Variants in LMBR1 observed in about 807,000 individuals in gnomAD.
LMBR1 encodes limb development membrane protein 1, also known as limb region 1 protein homolog.
LMBR1 carries 52 observed loss-of-function variants against 73.9 expected under a neutral mutation model. The observed-to-expected ratio is 0.70, with a 90% confidence interval of 0.56 to 0.89. The LOEUF (loss-of-function observed/expected upper bound fraction) is 0.89, where lower values mean the gene tolerates loss of function less well. Among genes scored for constraint, LMBR1 ranks in the 40% least tolerant of loss-of-function variants. LMBR1 has a pLI of 0.00. For synonymous variants in LMBR1, 215 were observed against 209.4 expected, an observed-to-expected ratio of 1.03 and a Z score of -0.23; for missense variants, 539 against 579.8, an observed-to-expected ratio of 0.93 and a Z score of 0.72.
At chr7:156,759,859 T>C (rs994420613) in intron 8 of LMBR1, among the ~76,000 whole-genome samples, 7 of 152,308 alleles carry the variant, frequency 4.6e-5, no homozygotes, top group African/African-American at 7.2e-5. Flanking sequence ...CCTACTAGTG[T>C]GTCGTTCCCC....
In LMBR1 at chr7:156,681,646, T is replaced by A. The variant is rs535905178; in HGVS notation, c.*2432A>T. The A allele has an allele frequency of 6.6e-6, 1 of 152,474 alleles. No homozygotes were observed. Among genetic ancestry groups the A allele is most frequent in the East Asian group, 1.9e-4 (1 of 5,186 alleles). The allele number at this position is 152,474 out of a possible 1,614,324, so 9.4% of individuals were successfully genotyped here. A position where few individuals can be genotyped will look rare whatever the true frequency, so the allele number is the denominator to read the frequency against. On this transcript the variant is annotated 3_prime_UTR_variant, in exon 17 of 17. Coordinates refer to ENST00000353442, the MANE Select transcript of LMBR1 (RefSeq NM_022458.4). ...AAAATCGATACTAAAGGAGAGAGAA[T>A]AAAAGGACTGCTTGATGTGACAGTC...
intron 4 of LMBR1, among the ~76,000 whole-genome samples, chr7:156,807,581 T>C (rs1280075497): frequency 1.3e-5 from 2 of 152,238 alleles, no homozygotes; most frequent in Non-Finnish European, 2.9e-5. Context: ...TTGCTGATCA[T>C]TCTGGCATTG....
At chr7:156,686,960 T>C (rs1294616176) in intron 16 of LMBR1, among the ~76,000 whole-genome samples, 1 of 152,238 alleles carries the variant, frequency 6.6e-6, no homozygotes, top group African/African-American at 2.4e-5. Context: ...AAATGAGCTG[T>C]GACTTTTTCC....
At chr7:156,867,136 T>C (rs1157013843) in intron 1 of LMBR1, among the ~76,000 whole-genome samples, 2 of 151,976 alleles carry the variant, frequency 1.3e-5, no homozygotes, top group Non-Finnish European at 2.9e-5. Context: ...CCAAAGAAAA[T>C]ACACAACAGC....
chr7:156,857,076 C>G (rs1464544408), intron 1 of LMBR1, among the ~76,000 whole-genome samples: 1 of 149,898 alleles, frequency 6.7e-6, no homozygotes, highest in Non-Finnish European at 1.5e-5. Flanking sequence ...CAGCTAGAAC[C>G]AAAGACAGAA....
intron 15 of LMBR1, among the ~76,000 whole-genome samples, chr7:156,716,097 A>T (rs1473154727): frequency 6.6e-6 from 1 of 152,208 alleles, no homozygotes; most frequent in Non-Finnish European, 1.5e-5. Context: ...GATGCAGAAA[A>T]CAAGTCTTGT....
intron 1 of LMBR1, among the ~76,000 whole-genome samples, chr7:156,876,669 C>T (rs1485197903): frequency 2.0e-5 from 3 of 152,134 alleles, no homozygotes; most frequent in Non-Finnish European, 4.4e-5. Context: ...CAAAAAGAAC[C>T]TTCAAAACCA....
Position 156,734,281 on chromosome 7 carries a change from G to C in LMBR1, c.758-24C>G, listed in dbSNP as rs370001153. ...CCCTGTTCAAAGCAAAAAATATTTA[G>C]AAGTAAAACAGAACCCCTAACACTA... On this transcript the variant is annotated intron_variant, in intron 9 of 16. Coordinates refer to ENST00000353442, the MANE Select transcript of LMBR1 (RefSeq NM_022458.4). 8 of 1,533,240 alleles carry C rather than the reference G, an allele frequency of 5.2e-6. No homozygotes were observed. In the African/African-American group the frequency reaches 5.5e-5, roughly 11 times the overall value. The allele number at this position is 1,533,240 out of a possible 1,614,324, so 95.0% of individuals were successfully genotyped here.
intron 5 of LMBR1, among the ~76,000 whole-genome samples, chr7:156,788,805 T>C (rs1828640182): frequency 6.6e-6 from 1 of 152,242 alleles, no homozygotes; most frequent in South Asian, 2.1e-4. Flanking sequence ...CCCAGCACTT[T>C]GGGTGGCCAA....
intron 5 of LMBR1, among the ~76,000 whole-genome samples, chr7:156,772,397 G>C (rs905770748): frequency 3.3e-5 from 5 of 152,090 alleles, no homozygotes; most frequent in Admixed American, 1.3e-4. Context: ...AAAATAATAA[G>C]AGCCATCTTT....
chr7:156,780,649 C>T (rs975318602), intron 5 of LMBR1, among the ~76,000 whole-genome samples: 1 of 152,202 alleles, frequency 6.6e-6, no homozygotes, highest in Non-Finnish European at 1.5e-5. Context: ...AGAACTAACA[C>T]TTGCAGAGCT....
At chr7:156,892,613 A>C in intron 1 of LMBR1, 54 of 218,952 alleles carry the variant, frequency 2.5e-4, no homozygotes, top group Non-Finnish European at 3.4e-4. Flanking sequence ...CGGGAAGGGA[A>C]GGGCAGCACC....
In LMBR1 at chr7:156,824,576, G is replaced by A. The variant is rs906082447; in HGVS notation, c.319+2029C>T. 4.9e-4 allele frequency among the ~76,000 whole-genome samples: 75 copies of A among 152,018 alleles called. 1 individual carries two copies. Among genetic ancestry groups the A allele is most frequent in the Non-Finnish European group, 1.8e-4 (12 of 68,008 alleles). The stretch of plus-strand genomic sequence containing the variant: ...GTCACACATAAAAAGTGACATCTTG[G>A]CAACATGTCTAGTCCCGGCACTTTG... On this transcript the variant is annotated intron_variant, in intron 4 of 16. Coordinates refer to ENST00000353442, the MANE Select transcript of LMBR1 (RefSeq NM_022458.4).
intron 9 of LMBR1, among the ~76,000 whole-genome samples, chr7:156,737,702 C>T (rs1563246914): frequency 6.6e-6 from 1 of 152,140 alleles, no homozygotes; most frequent in Non-Finnish European, 1.5e-5. Context: ...TTTCTGCTCA[C>T]TGAATATCCC....
At chr7:156,807,867 G>A (rs981393936) in intron 4 of LMBR1, among the ~76,000 whole-genome samples, 12 of 151,860 alleles carry the variant, frequency 7.9e-5, no homozygotes, top group Non-Finnish European at 2.9e-5. Context: ...ATTATTCTTT[G>A]ACCAGTGAGT....
intron 14 of LMBR1, among the ~76,000 whole-genome samples, chr7:156,724,764 C>CTG (rs71189961): frequency 0.061 from 8,914 of 146,414 alleles, 258 homozygotes; most frequent in African/African-American, 0.069. Context: ...AAAGAAATAG[C>CTG]TGTGTGTGTG....
chr7:156,814,832 T>C (rs1423997375), intron 4 of LMBR1, among the ~76,000 whole-genome samples: 2 of 152,240 alleles, frequency 1.3e-5, no homozygotes, highest in East Asian at 1.9e-4. Context: ...CAAATGTCAG[T>C]GCCTCTTCCC....
intron 3 of LMBR1, among the ~76,000 whole-genome samples, chr7:156,827,435 C>T (rs1011519195): frequency 6.6e-6 from 1 of 151,958 alleles, no homozygotes; most frequent in African/African-American, 2.4e-5. Flanking sequence ...TCTCCCCCCA[C>T]CAAATGCATA....
chr7:156,840,421 G>A (rs940209281), intron 1 of LMBR1, among the ~76,000 whole-genome samples: 5 of 152,100 alleles, frequency 3.3e-5, no homozygotes, highest in African/African-American at 9.7e-5. Context: ...GAGGATTTGA[G>A]GCAGAGAGAA....
Sources: allele counts gnomAD v4.1 joint callset (sites outside exome capture counted in the v4.1 genomes callset), GRCh38; gene constraint gnomAD v4.1.1; transcripts MANE v1.5; gene names NCBI Gene and HGNC (gene_info 2026-07-23, HGNC 2026-07-21).